Variants in EMSY observed in about 807,000 individuals in gnomAD.
The protein encoded by EMSY is BRCA2-interacting transcriptional repressor EMSY.
Under a neutral mutation model 134.6 loss-of-function variants are expected in EMSY, and 26 were observed. The ratio of observed to expected loss-of-function variants is 0.19; its 90% CI spans 0.14 to 0.27. EMSY has a LOEUF of 0.27. Ranked by LOEUF, EMSY falls within the 10% of genes least tolerant of loss-of-function variation. EMSY has a pLI of 1.00. For missense variants in EMSY, 1,305 were observed against 1,611.4 expected, an observed-to-expected ratio of 0.81 and a Z score of 3.26; for synonymous variants, 579 against 577.8, an observed-to-expected ratio of 1.00 and a Z score of -0.03.
chr11:76,471,196 GGTAGA>G (rs1336858583), intron 7 of EMSY, among the ~76,000 whole-genome samples: 34 of 152,128 alleles, frequency 2.2e-4, no homozygotes, highest in African/African-American at 6.7e-4. Context: ...TTACCTAATA[GGTAGA>G]GTAATGATTT....
chr11:76,526,377 G>A (rs1178669029), intron 12 of EMSY, 85 bp from the exon 14 acceptor site: 1 of 1,024,074 alleles, frequency 9.8e-7, no homozygotes. Context: ...CATCATCCTG[G>A]TAAAACCTTA....
chr11:76,482,156 G>T (rs1030955803), intron 8 of EMSY, among the ~76,000 whole-genome samples: 22 of 152,106 alleles, frequency 1.4e-4, no homozygotes, highest in African/African-American at 5.3e-4. Flanking sequence ...CAGCAGAAGG[G>T]CCTGAGTGTT....
intron 20 of EMSY, among the ~76,000 whole-genome samples, chr11:76,548,941 C>G (rs1951749707): frequency 6.6e-6 from 1 of 152,206 alleles, no homozygotes; most frequent in East Asian, 1.9e-4. Context: ...TTGTTCAAAG[C>G]TCTGGGCATC....
intron 8 of EMSY, among the ~76,000 whole-genome samples, chr11:76,474,711 T>A (rs1458740411): frequency 6.6e-6 from 1 of 152,210 alleles, no homozygotes; most frequent in Non-Finnish European, 1.5e-5. Context: ...TTAAAAAAAA[T>A]TCCAACATTT....
chr11:76,472,462 G>T, intron 7 of EMSY, 102 bp from the exon 9 acceptor site: 4 of 1,153,612 alleles, frequency 3.5e-6, no homozygotes, highest in South Asian at 1.8e-5. Flanking sequence ...TTGCTTCTTC[G>T]TTTTTCATAA....
At chr11:76,503,808 G>A (rs1051602119) in intron 9 of EMSY, among the ~76,000 whole-genome samples, 17 of 151,982 alleles carry the variant, frequency 1.1e-4, no homozygotes, top group Admixed American at 9.8e-4. Context: ...TATTTGAGAC[G>A]GAGTCTTGCT....
chr11:76,476,357 A>C (rs1028427523), intron 8 of EMSY, among the ~76,000 whole-genome samples: 5 of 152,130 alleles, frequency 3.3e-5, no homozygotes. Flanking sequence ...TAGATCTATT[A>C]TTTTATTGGT....
intron 8 of EMSY, among the ~76,000 whole-genome samples, chr11:76,489,122 A>T (rs1949310118): frequency 6.6e-6 from 1 of 152,212 alleles, no homozygotes; most frequent in Non-Finnish European, 1.5e-5. Context: ...TGCCTTGTGG[A>T]TTCTTCAGGA....
Position 76,542,465 on chromosome 11 carries a change from C to T in EMSY, c.2709+98C>T, listed in dbSNP as rs181921588. ...ATTTTAAGAGGAGAAATAATTGGAA[C>T]GTAGAGTGTTTGTGTAATTCTTTTC... On this transcript the variant is annotated intron_variant, in intron 18 of 20. Coordinates refer to ENST00000334736, the Ensembl canonical transcript of EMSY. 18 of 1,431,176 alleles carry T rather than the reference C, an allele frequency of 1.3e-5. No individual in the cohort carries two copies. In the East Asian group the frequency reaches 3.0e-4, roughly 24 times the overall value. 88.7% of individuals were successfully genotyped at this position (1,431,176 alleles called of 1,614,324 possible).
exon 8 of EMSY, chr11:76,472,829 C>G (rs2135366352): frequency 6.2e-7 from 1 of 1,613,810 alleles, no homozygotes; most frequent in Non-Finnish European, 8.5e-7. Context: ...GTCATGTCAA[C>G]AGTAGCACAA....
intron 14 of EMSY, among the ~76,000 whole-genome samples, chr11:76,532,042 C>T (rs1162387401): frequency 6.6e-6 from 1 of 152,134 alleles, no homozygotes; most frequent in East Asian, 1.9e-4. Flanking sequence ...ATTCATTCTT[C>T]TATGTTAGGC....
At chr11:76,549,867 T>A in intron 20 of EMSY, 85 bp from the exon 22 acceptor site, 3 of 1,055,704 alleles carry the variant, frequency 2.8e-6, no homozygotes, top group Non-Finnish European at 3.9e-6. Context: ...TCAGTTTTCT[T>A]TTTTTTTTTT....
intron 7 of EMSY, among the ~76,000 whole-genome samples, chr11:76,465,477 A>G (rs1948311755): frequency 6.6e-6 from 1 of 152,092 alleles, no homozygotes; most frequent in Admixed American, 6.5e-5. Context: ...CCTTGCACGT[A>G]GTAAATGTTC....
chr11:76,496,216 T>G (rs775490904), exon 9 of EMSY: 1 of 1,612,702 alleles, frequency 6.2e-7, no homozygotes, highest in South Asian at 1.1e-5. Context: ...TTTCTACAGG[T>G]GTATCTACAT....
chr11:76,502,766 C>T (rs1028500304), intron 9 of EMSY, among the ~76,000 whole-genome samples: 1 of 151,978 alleles, frequency 6.6e-6, no homozygotes, highest in Admixed American at 6.5e-5. Flanking sequence ...CTGAAAACTA[C>T]AAAACATTGA....
exon 12 of EMSY, chr11:76,523,210 T>C: frequency 6.2e-7 from 1 of 1,613,822 alleles, no homozygotes; most frequent in Non-Finnish European, 8.5e-7. Context: ...ACGTGATTGT[T>C]GTACAAAAGA....
chr11:76,449,500 T>C (rs907867346), intron 2 of EMSY, among the ~76,000 whole-genome samples: 1 of 152,232 alleles, frequency 6.6e-6, no homozygotes, highest in Non-Finnish European at 1.5e-5. Context: ...CATCATAAAT[T>C]CCACAGGTCA....
chr11:76,486,885 T>A (rs1027731335), intron 8 of EMSY, among the ~76,000 whole-genome samples: 6 of 152,224 alleles, frequency 3.9e-5, no homozygotes, highest in Admixed American at 2.0e-4. Context: ...TGTGATGATC[T>A]TACTGAAGGA....
chr11:76,524,897 A>T (rs982544166), intron 12 of EMSY, among the ~76,000 whole-genome samples: 13 of 152,332 alleles, frequency 8.5e-5, no homozygotes, highest in African/African-American at 3.1e-4. Context: ...GTGCACCTAT[A>T]GTCCCAGCTA....
Sources: allele counts gnomAD v4.1 joint callset (sites outside exome capture counted in the v4.1 genomes callset), GRCh38; gene constraint gnomAD v4.1.1; transcripts MANE v1.5; gene names NCBI Gene and HGNC (gene_info 2026-07-23, HGNC 2026-07-21).